The following ACSM3 variants were observed in gnomAD, a reference collection of about 807,000 sequenced individuals.
ACSM3 encodes acyl-CoA synthetase medium chain family member 3.
Under a neutral mutation model 74.1 loss-of-function variants are expected in ACSM3, and 61 were observed. That is an observed-to-expected ratio of 0.82 (90% CI 0.67 to 1.02). ACSM3 has a LOEUF of 1.02. Among genes scored for constraint, ACSM3 ranks in the 50% least tolerant of loss-of-function variants. ACSM3 has a pLI of 0.00. For missense variants in ACSM3, 660 were observed against 697.0 expected (o/e 0.95, Z 0.60); for synonymous variants, 213 against 241.5 (o/e 0.88, Z 1.09).
At chr16:20,792,820 T>G in intron 12 of ACSM3, 1 of 591,602 alleles carries the variant, frequency 1.7e-6, no homozygotes, top group Non-Finnish European at 2.1e-6. Context: ...TTTCAGGAAA[T>G]AAACTCTGAA....
At chr16:20,694,082 C>T (rs1567317182) in intron 1 of ACSM3, among the ~76,000 whole-genome samples, 1 of 152,362 alleles carries the variant, frequency 6.6e-6, no homozygotes, top group East Asian at 1.9e-4. Flanking sequence ...TAGCCTGTTC[C>T]TCTTGCTTAT....
chr16:20,701,232 T>C (rs1293793539), intron 1 of ACSM3, among the ~76,000 whole-genome samples: 1 of 152,174 alleles, frequency 6.6e-6, no homozygotes, highest in East Asian at 1.9e-4. Flanking sequence ...TTTTCCTGCT[T>C]ATAGGCTGTC....
chr16:20,796,619 T>C (rs1596546384), intron 13 of ACSM3, 130 bp downstream of exon 13: 2 of 1,522,124 alleles, frequency 1.3e-6, no homozygotes, highest in African/African-American at 1.4e-5. Flanking sequence ...TGATGACATA[T>C]GGGTAAGAAT....
At chr16:20,712,873 A>G (rs1306815250) in intron 1 of ACSM3, among the ~76,000 whole-genome samples, 4 of 151,622 alleles carry the variant, frequency 2.6e-5, no homozygotes, top group Non-Finnish European at 5.9e-5. Context: ...AGATGGCACC[A>G]TTGCACTCCA....
Position 20,797,020 on chromosome 16 carries a change from C to A in ACSM3, c.*48C>A. ...TCTATAAAACAAACATAGTATCTGT[C>A]AATCTCTAGAAACCACAAGATGATG... On this transcript the variant is annotated 3_prime_UTR_variant, in exon 14 of 14. Transcript: ENST00000289416. The A allele has an allele frequency of 6.3e-7, 1 of 1,592,638 alleles. No homozygotes were observed. Among genetic ancestry groups the A allele is most frequent in the South Asian group, 1.2e-5 (1 of 85,982 alleles).
chr16:20,762,802 A>G (rs747456082), upstream of ACSM3, among the ~76,000 whole-genome samples: 27 of 152,216 alleles, frequency 1.8e-4, no homozygotes, highest in Non-Finnish European at 3.4e-4. Flanking sequence ...CACAAAACCT[A>G]CTACTAATAT....
intron 8 of ACSM3, 24 bp downstream of exon 8, chr16:20,785,131 A>G: frequency 6.2e-7 from 1 of 1,611,694 alleles, no homozygotes; most frequent in Non-Finnish European, 8.5e-7. Context: ...CTGAAAAGAC[A>G]TAGCTGGATT....
At position 20,737,353 on chromosome 16, in the gene ACSM3, C is replaced by T; in HGVS notation, c.-189-12557C>T. The T allele has an allele frequency of 2.0e-6, 3 of 1,478,778 alleles. No individual in the cohort carries two copies. In the South Asian group the frequency reaches 4.1e-5, roughly 20 times the overall value. The allele number at this position is 1,478,778 out of a possible 1,614,324, so 91.6% of individuals were successfully genotyped here. A position where few individuals can be genotyped will look rare whatever the true frequency, so the allele number is the denominator to read the frequency against. ...ATTACATCTGATAGATACAAAAAATCTTTTGTCTCTGTTTCTTGTTAAAAC... is the reference window on the plus strand; with the variant it reads ...ATTACATCTGATAGATACAAAAAATTTTTTGTCTCTGTTTCTTGTTAAAAC... On this transcript the variant is annotated intron_variant, in intron 1 of 3. Transcript: ENST00000561584.
intron 1 of ACSM3, 115 bp from the exon 2 acceptor site, chr16:20,769,869 C>T (rs1395655365): frequency 1.6e-6 from 1 of 629,250 alleles, no homozygotes; most frequent in Non-Finnish European, 2.8e-6. Context: ...AGAGTGTACG[C>T]AGCAAATGGT....
chr16:20,766,136 G>C (rs891920957), intron 1 of ACSM3, among the ~76,000 whole-genome samples: 1 of 152,114 alleles, frequency 6.6e-6, no homozygotes, highest in Non-Finnish European at 1.5e-5. Context: ...TTATTTAATA[G>C]AATCAGAAAT....
At chr16:20,708,710 C>T (rs1399443833) in intron 1 of ACSM3, among the ~76,000 whole-genome samples, 1 of 151,776 alleles carries the variant, frequency 6.6e-6, no homozygotes, top group African/African-American at 2.4e-5. Flanking sequence ...TCTATGGACT[C>T]GATGTAATCC....
chr16:20,772,410 T>A (rs996482338), intron 2 of ACSM3, among the ~76,000 whole-genome samples: 11 of 148,310 alleles, frequency 7.4e-5, no homozygotes, highest in African/African-American at 2.0e-4. Flanking sequence ...AAATTAAAAT[T>A]AAAATAAAAA....
chr16:20,688,034 G>A (rs1433837417), intron 1 of ACSM3, among the ~76,000 whole-genome samples: 1 of 151,382 alleles, frequency 6.6e-6, no homozygotes, highest in Non-Finnish European at 1.5e-5. Context: ...GCAGTGAGCT[G>A]AGATCGTGCC....
chr16:20,676,647 T>C (rs1049479229), intron 1 of ACSM3, among the ~76,000 whole-genome samples: 1 of 152,160 alleles, frequency 6.6e-6, no homozygotes, highest in African/African-American at 2.4e-5. Context: ...AAGGCTAATT[T>C]ACTAGCAGCA....
intron 1 of ACSM3, among the ~76,000 whole-genome samples, chr16:20,705,808 A>G (rs1210582297): frequency 6.6e-6 from 1 of 152,220 alleles, no homozygotes; most frequent in East Asian, 1.9e-4. Context: ...GATTTCAATA[A>G]CAGTGCTACA....
At chr16:20,741,946 G>A (rs2079931126) in intron 1 of ACSM3, 1 of 1,531,964 alleles carries the variant, frequency 6.5e-7, no homozygotes, top group East Asian at 2.5e-5. Flanking sequence ...CCCGCCTCCT[G>A]CCCCGCCTCC....
intron 1 of ACSM3, among the ~76,000 whole-genome samples, chr16:20,707,978 A>G (rs575720995): frequency 2.6e-4 from 39 of 152,314 alleles, no homozygotes; most frequent in Admixed American, 2.5e-3. Context: ...CTAAACAACT[A>G]AATGAAATTT....
Position 20,770,032 on chromosome 16 carries a change from C to CTG in ACSM3, c.-2_-1dup. The CTG allele has an allele frequency of 6.2e-7, 1 of 1,614,032 alleles. No individual in the cohort carries two copies. The highest frequency in any genetic ancestry group is 8.5e-7 in the Non-Finnish European group (1 of 1,179,908). ...CTGAGTGCTAAAGCTTCCAACAAGA[C>CTG]TGATGCTAGCTCGTGTCACCAGGAA... On this transcript the variant is annotated 5_prime_UTR_variant, in exon 2 of 14. Coordinates refer to ENST00000289416, the MANE Select transcript of ACSM3 (RefSeq NM_005622.4).
At chr16:20,675,857 T>G (rs950469388) in intron 1 of ACSM3, among the ~76,000 whole-genome samples, 2 of 152,206 alleles carry the variant, frequency 1.3e-5, no homozygotes, top group African/African-American at 4.8e-5. Context: ...AGAAACCAGC[T>G]GCGCTGGCGG....
Sources: gnomAD v4.1 joint callset for allele counts (sites outside exome capture counted in the v4.1 genomes callset) on GRCh38, gnomAD v4.1.1 for gene constraint, MANE v1.5 for transcripts, NCBI Gene and HGNC (gene_info 2026-07-23, HGNC 2026-07-21) for gene names.